CDH3: variants seen among roughly 807,000 people sequenced by gnomAD.
The protein encoded by CDH3 is cadherin-3.
A neutral mutation model predicts 82.0 loss-of-function variants in CDH3; 54 were observed. The observed-to-expected ratio is 0.66, with a 90% CI of 0.53 to 0.83. CDH3 has a LOEUF of 0.83. Among genes scored for constraint, CDH3 ranks in the 40% least tolerant of loss-of-function variants. The pLI is 0.00. For synonymous variants in CDH3, 446 were observed against 437.9 expected, an observed-to-expected ratio of 1.02 and a Z score of -0.23; for missense variants, 1,054 against 1,084.6, an observed-to-expected ratio of 0.97 and a Z score of 0.40.
intron 2 of CDH3, among the ~76,000 whole-genome samples, chr16:68,653,290 G>T (rs1960303298): frequency 1.3e-5 from 2 of 151,780 alleles, no homozygotes; most frequent in Admixed American, 6.6e-5. Context: ...AGGCTGGAGT[G>T]CAATGGCGTG....
intron 8 of CDH3, among the ~76,000 whole-genome samples, chr16:68,681,621 T>A (rs1161462643): frequency 6.6e-6 from 1 of 152,210 alleles, no homozygotes; most frequent in Non-Finnish European, 1.5e-5. Context: ...AGAACACTTT[T>A]GAGGCCAGGA....
intron 1 of CDH3, among the ~76,000 whole-genome samples, chr16:68,719,887 C>T (rs1016518272): frequency 6.6e-6 from 1 of 152,096 alleles, no homozygotes; most frequent in Non-Finnish European, 1.5e-5. Flanking sequence ...GATGCAGTGG[C>T]TCATGCATGT....
chr16:68,726,492 T>C (rs1335993565), intron 2 of CDH3, among the ~76,000 whole-genome samples: 1 of 152,024 alleles, frequency 6.6e-6, no homozygotes, highest in Admixed American at 6.6e-5. Flanking sequence ...AACCCCACCC[T>C]GATCTTAGTG....
At chr16:68,652,375 C>G (rs1960274447) in intron 2 of CDH3, among the ~76,000 whole-genome samples, 1 of 152,082 alleles carries the variant, frequency 6.6e-6, no homozygotes, top group African/African-American at 2.4e-5. Context: ...CCTAGGTTAC[C>G]CAGTGCAGGG....
intron 11 of CDH3, chr16:68,686,343 A>G: frequency 1.0e-6 from 1 of 988,220 alleles, no homozygotes; most frequent in East Asian, 2.4e-5. Flanking sequence ...GCGGCGCTAC[A>G]CAAGAGCAGA....
rs541612523 is a variant in CDH3, at chr16:68,679,509, A to G, written c.692-290A>G. ...GGAGTTTAAGACCAGCTGGGCCAAC[A>G]TGGTGAAATCCTATCTCTACTAAAA... On this transcript the variant is annotated intron_variant, in intron 6 of 15. Transcript: ENST00000264012. Among the ~76,000 whole-genome samples, 8 of 152,200 alleles carry G rather than the reference A, an allele frequency of 5.3e-5. No homozygotes were observed. In the South Asian group the frequency reaches 1.7e-3, roughly 32 times the overall value.
intron 1 of CDH3, among the ~76,000 whole-genome samples, chr16:68,716,074 G>A (rs1179017777): frequency 6.6e-6 from 1 of 152,102 alleles, no homozygotes; most frequent in African/African-American, 2.4e-5. Flanking sequence ...TTCGAGACCT[G>A]CTTGACCAAC....
intron 2 of CDH3, among the ~76,000 whole-genome samples, chr16:68,670,097 G>A (rs1010262120): frequency 3.3e-5 from 5 of 151,850 alleles, no homozygotes; most frequent in Admixed American, 1.3e-4. Context: ...GGTGGCGGGC[G>A]CCTGTAGTCC....
At chr16:68,679,285 T>G (rs1331695113) in intron 6 of CDH3, among the ~76,000 whole-genome samples, 1 of 152,076 alleles carries the variant, frequency 6.6e-6, no homozygotes, top group Non-Finnish European at 1.5e-5. Context: ...CTTTGAAGAG[T>G]GGTGAAGATT....
chr16:68,659,580 A>C (rs1597794753), intron 2 of CDH3, among the ~76,000 whole-genome samples: 1 of 89,990 alleles, frequency 1.1e-5, no homozygotes, highest in Admixed American at 9.8e-5. Flanking sequence ...ATGCTGTCTC[A>C]AAAAAAAAAA....
At chr16:68,674,592 G>A (rs760353626) in intron 2 of CDH3, among the ~76,000 whole-genome samples, 10 of 151,976 alleles carry the variant, frequency 6.6e-5, no homozygotes, top group Admixed American at 3.3e-4. Context: ...AAAATTAGCC[G>A]GGTATGGTGG....
intron 2 of CDH3, among the ~76,000 whole-genome samples, chr16:68,654,011 C>T (rs531122172): frequency 6.6e-6 from 1 of 151,736 alleles, no homozygotes; most frequent in Non-Finnish European, 1.5e-5. Context: ...GTCACTGCTC[C>T]CGGCCAAATG....
chr16:68,694,982 G>A (rs1057194816), intron 13 of CDH3, among the ~76,000 whole-genome samples: 2 of 152,148 alleles, frequency 1.3e-5, no homozygotes, highest in African/African-American at 4.8e-5. Flanking sequence ...AGGTTCTTAA[G>A]GGGAAGTTGC....
chr16:68,714,510 TGG>T (rs1031943094), intron 1 of CDH3, among the ~76,000 whole-genome samples: 3 of 152,226 alleles, frequency 2.0e-5, no homozygotes, highest in Admixed American at 2.0e-4. Flanking sequence ...GGAAGCCTTC[TGG>T]ATTTAGTATT....
intron 2 of CDH3, among the ~76,000 whole-genome samples, chr16:68,658,945 C>T (rs914180133): frequency 2.0e-5 from 3 of 151,988 alleles, no homozygotes; most frequent in Non-Finnish European, 4.4e-5. Flanking sequence ...TACATAGGGA[C>T]GGTTGGTTGG....
intron 13 of CDH3, among the ~76,000 whole-genome samples, chr16:68,693,153 C>G (rs533373221): frequency 6.6e-6 from 1 of 152,284 alleles, no homozygotes; most frequent in Non-Finnish European, 1.5e-5. Context: ...AGAGCAGTGA[C>G]AGGCACAGGG....
intron 2 of CDH3, among the ~76,000 whole-genome samples, chr16:68,726,852 T>A (rs1276393061): frequency 6.6e-6 from 1 of 152,210 alleles, no homozygotes; most frequent in East Asian, 1.9e-4. Flanking sequence ...GTGCTGGGAT[T>A]ACAGGCATGA....
At chr16:68,662,372 C>T (rs1960607376) in intron 2 of CDH3, among the ~76,000 whole-genome samples, 1 of 152,120 alleles carries the variant, frequency 6.6e-6, no homozygotes, top group South Asian at 2.1e-4. Flanking sequence ...GCAGGAGGAT[C>T]ACTTGAGCCT....
At chr16:68,695,429 A>T (rs1375826770) in intron 14 of CDH3, 44 bp downstream of exon 14, 1 of 1,574,046 alleles carries the variant, frequency 6.4e-7, no homozygotes, top group East Asian at 2.3e-5. Context: ...GATGCCCCTA[A>T]GGCCACTGGC....
Sources: allele counts gnomAD v4.1 joint callset (sites outside exome capture counted in the v4.1 genomes callset), GRCh38; gene constraint gnomAD v4.1.1; transcripts MANE v1.5; gene names NCBI Gene and HGNC (gene_info 2026-07-23, HGNC 2026-07-21).